SZRD1: variants seen among roughly 807,000 people sequenced by gnomAD.
SZRD1 encodes the protein SUZ RNA-binding domain-containing.
In SZRD1, 7 loss-of-function variants were observed where a neutral mutation model predicts 17.6. The observed-to-expected ratio is 0.40, with a 90% CI of 0.23 to 0.75. The LOEUF is 0.75. SZRD1 is among the 30% of genes least tolerant of loss of function. The pLI, the probability that SZRD1 is intolerant of heterozygous loss-of-function variation, is 0.38. For missense variants in SZRD1, 178 were observed against 201.8 expected (o/e 0.88, Z 0.71); for synonymous variants, 77 against 77.9 (o/e 0.99, Z 0.06).
intron 2 of SZRD1, among the ~76,000 whole-genome samples, chr1:16,392,273 T>C (rs903834577): frequency 3.3e-5 from 5 of 152,200 alleles, no homozygotes; most frequent in Admixed American, 3.3e-4. Context: ...CGACTCCTCC[T>C]GACAGCCAAG....
At chr1:16,374,090 GATCA>G (rs1557622264) in intron 1 of SZRD1, among the ~76,000 whole-genome samples, 1 of 152,304 alleles carries the variant, frequency 6.6e-6, no homozygotes, top group East Asian at 1.9e-4. Context: ...GGAAAAAAGA[GATCA>G]ATTAGTTTGG....
At chr1:16,376,484 C>T (rs1384707206) in intron 1 of SZRD1, among the ~76,000 whole-genome samples, 2 of 152,138 alleles carry the variant, frequency 1.3e-5, no homozygotes, top group Non-Finnish European at 2.9e-5. Flanking sequence ...AACTTTTTAA[C>T]ATTTGGCCAA....
rs779512454 is a variant in SZRD1, at chr1:16,393,415, G to A, written c.289G>A (p.Glu97Lys). The change falls in exon 3 of 4, where the codon GAG becomes AAG. Residue 97 changes from glutamate (E) to lysine (K), a missense_variant. Physicochemically the swap from Glu to Lys is moderately conservative, Grantham distance 56. This residue lies in a region of SZRD1 where 4 missense variants were observed against 21.2 expected (regional missense o/e 0.19). Coordinates refer to ENST00000401088, the MANE Select transcript of SZRD1 (RefSeq NM_001114600.3). This position sits in a 1 kb window ranked among gnomAD's most constrained non-coding sequence, Gnocchi z 5.6. Reference protein sequence around the residue: ...SLAQREAEYAEARKRILGSAS... With the variant: ...SLAQREAEYAKARKRILGSAS... ...AGCACAGCGAGAGGCCGAGTACGCCGAGGCCCGGAAGCGGATCCTGGGCAG... is the reference window on the plus strand; with the variant it reads ...AGCACAGCGAGAGGCCGAGTACGCCAAGGCCCGGAAGCGGATCCTGGGCAG... 3.1e-6 allele frequency: 5 copies of A among 1,614,094 alleles called. No homozygotes were observed. The South Asian group carries it at 3.3e-5, about 11-fold the overall frequency.
chr1:16,377,309 A>G (rs1435559607), intron 1 of SZRD1, among the ~76,000 whole-genome samples: 2 of 152,070 alleles, frequency 1.3e-5, no homozygotes, highest in African/African-American at 2.4e-5. Flanking sequence ...AAAGGTAGCA[A>G]GAGTGGCTTA....
chr1:16,388,679 T>G (rs1246611842), intron 1 of SZRD1, among the ~76,000 whole-genome samples: 1 of 97,678 alleles, frequency 1.0e-5, no homozygotes, highest in Admixed American at 1.1e-4. Flanking sequence ...AGAATAAGTC[T>G]TTTTTTTTTT....
chr1:16,387,485 G>T, intron 1 of SZRD1: 1 of 455,444 alleles, frequency 2.2e-6, no homozygotes, highest in Non-Finnish European at 4.4e-6. Flanking sequence ...ATACTGATTT[G>T]GTTTCTTCTG....
intron 2 of SZRD1, among the ~76,000 whole-genome samples, chr1:16,392,282 A>G (rs2085231254): frequency 6.6e-6 from 1 of 152,092 alleles, no homozygotes; most frequent in Non-Finnish European, 1.5e-5. Flanking sequence ...CTGACAGCCA[A>G]GGCTCTGGAA....
intron 1 of SZRD1, among the ~76,000 whole-genome samples, chr1:16,384,465 A>G (rs1474993371): frequency 1.3e-5 from 2 of 151,878 alleles, no homozygotes; most frequent in African/African-American, 2.4e-5. Flanking sequence ...GCTGTTGTAG[A>G]TTGCTTCTAC....
chr1:16,382,392 T>G (rs2083120007), intron 1 of SZRD1, among the ~76,000 whole-genome samples: 1 of 152,000 alleles, frequency 6.6e-6, no homozygotes, highest in Admixed American at 6.6e-5. Flanking sequence ...TTCACCATGT[T>G]GGCCAGGCTG....
chr1:16,397,812 G>T lies in SZRD1; in HGVS notation c.*2672G>T. The stretch of plus-strand genomic sequence containing the variant: ...TTCCAGAGCCCATCTGCCCCGCCCA[G>T]CCCTGCCCTGCCCAGCCATACCCTG... On this transcript the variant is annotated 3_prime_UTR_variant, in exon 4 of 4. Coordinates refer to ENST00000401088, the MANE Select transcript of SZRD1 (RefSeq NM_001114600.3). The surrounding 1 kb of genome is among the most constrained non-coding windows in gnomAD (Gnocchi z 5.4). 1 of 186,270 alleles carries T rather than the reference G, an allele frequency of 5.4e-6. No homozygotes were observed. Among genetic ancestry groups the T allele is most frequent in the Non-Finnish European group, 1.0e-5 (1 of 99,038 alleles). The allele number at this position is 186,270 out of a possible 1,614,324, so 11.5% of individuals were successfully genotyped here. A position where few individuals can be genotyped will look rare whatever the true frequency, so the allele number is the denominator to read the frequency against.
In SZRD1 at chr1:16,373,044, C is replaced by T. The variant is rs375102025; in HGVS notation, c.51+5736C>T. On this transcript the variant is annotated intron_variant, in intron 1 of 3. Coordinates refer to ENST00000401088, the MANE Select transcript of SZRD1 (RefSeq NM_001114600.3). ...CCAAAGCAGGCATGGATGAGGAGGCCGAGAGACAAATACACAGCATTGGGA... is the reference window on the plus strand; with the variant it reads ...CCAAAGCAGGCATGGATGAGGAGGCTGAGAGACAAATACACAGCATTGGGA... 5.7e-4 allele frequency among the ~76,000 whole-genome samples: 86 copies of T among 152,058 alleles called. 1 individual carries two copies. Among genetic ancestry groups the T allele is most frequent in the African/African-American group, 2.0e-3 (83 of 41,466 alleles).
chr1:16,384,682 G>C (rs2083159476), intron 1 of SZRD1, among the ~76,000 whole-genome samples: 3 of 152,360 alleles, frequency 2.0e-5, no homozygotes, highest in African/African-American at 2.4e-5. Context: ...GTGGCTGGCT[G>C]TGTGGGAGTT....
intron 1 of SZRD1, chr1:16,369,505 A>G: frequency 1.1e-6 from 1 of 884,762 alleles, no homozygotes; most frequent in South Asian, 1.3e-5. Flanking sequence ...GCCCCCCTTC[A>G]CCACAGGCTT....
chr1:16,392,431 C>T (rs1006458347), intron 2 of SZRD1, among the ~76,000 whole-genome samples: 3 of 152,032 alleles, frequency 2.0e-5, no homozygotes, highest in Non-Finnish European at 4.4e-5. Context: ...GTGTTGTTGT[C>T]CCTCTTTGTT....
chr1:16,392,818 C>T (rs1167502256), intron 2 of SZRD1, among the ~76,000 whole-genome samples: 2 of 152,184 alleles, frequency 1.3e-5, no homozygotes, highest in Non-Finnish European at 1.5e-5. Flanking sequence ...TTCAAAGGCT[C>T]CCACCCCACC....
At chr1:16,377,562 CAAAAAAAAAAA>C (rs34066824) in intron 1 of SZRD1, among the ~76,000 whole-genome samples, 13 of 62,056 alleles carry the variant, frequency 2.1e-4, no homozygotes, top group African/African-American at 8.3e-4. Flanking sequence ...GACTCTGTCT[CAAAAAAAAAAA>C]AAAAAAAAGC....
In SZRD1 at chr1:16,367,271, A is replaced by C. The variant is rs372595789; in HGVS notation, c.14A>C (p.Glu5Ala). The C allele has an allele frequency of 1.3e-6, 2 of 1,548,544 alleles. No homozygotes were observed. The highest frequency in any genetic ancestry group is 2.0e-5 in the Admixed American group (1 of 50,960). MEDE[E>A]VAESWEEAAD... Reference sequence around the variant, plus strand: ...GCGGCGAGTAAGATGGAAGATGAGGAGGTCGCTGAGAGCTGGGAAGAGGCG... The same window carrying C: ...GCGGCGAGTAAGATGGAAGATGAGGCGGTCGCTGAGAGCTGGGAAGAGGCG... The change falls in exon 1 of 4, where the codon GAG (glutamate) becomes GCG (alanine). Residue 5 changes from glutamate (E) to alanine (A), a missense_variant. Transcript: ENST00000401088.
chr1:16,382,375 A>G (rs1169445374), intron 1 of SZRD1, among the ~76,000 whole-genome samples: 1 of 151,618 alleles, frequency 6.6e-6, no homozygotes, highest in Non-Finnish European at 1.5e-5. Context: ...TTTAGTAGAA[A>G]TAGGGTTTCA....
In SZRD1 at chr1:16,370,638, A is replaced by T. The variant is rs187685524; in HGVS notation, c.51+3330A>T. ...CCTGGCAGCTTTCATTAAAAAAAAA[A>T]ATATTTATTTATTTTAGATACAGGG... On this transcript the variant is annotated intron_variant, in intron 1 of 3. Coordinates refer to ENST00000401088, the MANE Select transcript of SZRD1 (RefSeq NM_001114600.3). Among the ~76,000 whole-genome samples the T allele has an allele frequency of 4.3e-3, 649 of 151,780 alleles. 1 individual carries two copies. The highest frequency in any genetic ancestry group is 7.1e-3 in the Non-Finnish European group (482 of 67,958).
Sources: gnomAD v4.1 joint callset for allele counts (sites outside exome capture counted in the v4.1 genomes callset) on GRCh38, gnomAD v4.1.1 for gene constraint, gnomAD v4.1.1 regional missense constraint, Gnocchi (gnomAD v3.1) non-coding constraint, MANE v1.5 for transcripts, NCBI Gene and HGNC (gene_info 2026-07-23, HGNC 2026-07-21) for gene names.